TSBP1: variants seen among roughly 807,000 people sequenced by gnomAD.
The protein encoded by TSBP1 is testis-expressed basic protein 1.
A neutral mutation model predicts 68.8 loss-of-function variants in TSBP1; 56 were observed. That is an observed-to-expected ratio of 0.81 (90% CI 0.66 to 1.02). The LOEUF (loss-of-function observed/expected upper bound fraction) is 1.02, where lower values mean the gene tolerates loss of function less well. TSBP1 is among the 50% of genes least tolerant of loss of function. TSBP1 has a pLI of 0.00. For missense variants in TSBP1, 502 were observed against 641.2 expected (o/e 0.78, Z 2.34); for synonymous variants, 171 against 208.7 (o/e 0.82, Z 1.56).
intron 18 of TSBP1, 87 bp downstream of exon 20, chr6:32,322,399 T>C: frequency 1.1e-6 from 1 of 945,426 alleles, no homozygotes; most frequent in Non-Finnish European, 1.7e-6. Context: ...AGCAAATGAA[T>C]ATGAGAAATA....
Position 32,302,666 on chromosome 6 carries a change from A to AT in TSBP1, c.581-38dup. 2 of 1,512,374 alleles carry AT rather than the reference A, an allele frequency of 1.3e-6. No homozygotes were observed. The highest frequency in any genetic ancestry group is 8.9e-7 in the Non-Finnish European group (1 of 1,120,942). The allele number at this position is 1,512,374 out of a possible 1,614,324, so 93.7% of individuals were successfully genotyped here. On this transcript the variant is annotated intron_variant, in intron 19 of 22. Transcript: ENST00000612031. This position sits in a 1 kb window ranked among gnomAD's most constrained non-coding sequence, Gnocchi z 5.1. ...AACAAGAAAATAGGTTAATGGCAGC[A>AT]TTTTTGGAACAGAAGTACAGTTCTT...
intron 18 of TSBP1, among the ~76,000 whole-genome samples, chr6:32,317,541 G>T (rs1011762699): frequency 6.6e-6 from 1 of 152,128 alleles, no homozygotes; most frequent in Non-Finnish European, 1.5e-5. Context: ...ATGGGAGAAA[G>T]TTTTTGCAAA....
At chr6:32,362,463 A>T (rs2127653017) in intron 6 of TSBP1, among the ~76,000 whole-genome samples, 1 of 152,340 alleles carries the variant, frequency 6.6e-6, no homozygotes, top group Non-Finnish European at 1.5e-5. Flanking sequence ...AACTGTAAGA[A>T]ATAATAATAC....
chr6:32,315,715 G>A lies in TSBP1; in HGVS notation c.580+57C>T. The A allele has an allele frequency of 8.5e-7, 1 of 1,181,936 alleles. No individual in the cohort carries two copies. Among genetic ancestry groups the A allele is most frequent in the Admixed American group, 2.4e-5 (1 of 41,740 alleles). 73.2% of individuals were successfully genotyped at this position (1,181,936 alleles called of 1,614,324 possible). ...GTCTCAATCTTTTGGATACTTAGAAGTGGAAACATCTAACATAAATCTCCA... is the reference window on the plus strand; with the variant it reads ...GTCTCAATCTTTTGGATACTTAGAAATGGAAACATCTAACATAAATCTCCA... On this transcript the variant is annotated intron_variant, in intron 19 of 22. Coordinates refer to ENST00000612031, the Ensembl canonical transcript of TSBP1. This position sits in a 1 kb window ranked among gnomAD's most constrained non-coding sequence, Gnocchi z 5.4.
rs28366180 is a variant in TSBP1, at chr6:32,321,646, G to T, written c.559+1471C>A. 0.047 allele frequency among the ~76,000 whole-genome samples: 7,132 copies of T among 152,256 alleles called. 244 individuals carry two copies. Among genetic ancestry groups the T allele is most frequent in the Admixed American group, 0.07 (1,075 of 15,288 alleles). On this transcript the variant is annotated intron_variant, in intron 18 of 22. Coordinates refer to ENST00000612031, the Ensembl canonical transcript of TSBP1. This position sits in a 1 kb window ranked among gnomAD's most constrained non-coding sequence, Gnocchi z 4.3. ...AGAAAGATGTGTGGATGAGGACTTT[G>T]GAGAGACACTGGCTAATTCTGTGTT...
rs771765052 is a variant in TSBP1, at chr6:32,315,749, C to T, written c.580+23G>A. ...TCTAACATAAATCTCCACATATGAC[C>T]AGCTGAGAAATAAAGAACTTACTTG... On this transcript the variant is annotated intron_variant, in intron 19 of 22. Transcript: ENST00000612031. This position sits in a 1 kb window ranked among gnomAD's most constrained non-coding sequence, Gnocchi z 5.4. 1.4e-6 allele frequency: 2 copies of T among 1,474,428 alleles called. No individual in the cohort carries two copies. The highest frequency in any genetic ancestry group is 1.2e-5 in the South Asian group (1 of 80,170). 91.3% of individuals were successfully genotyped at this position (1,474,428 alleles called of 1,614,324 possible).
chr6:32,350,379 G>A (rs943660359), intron 8 of TSBP1, among the ~76,000 whole-genome samples: 19 of 152,266 alleles, frequency 1.2e-4, no homozygotes, highest in African/African-American at 4.6e-4. Flanking sequence ...CTATTGAGGG[G>A]AATATTTCAT....
chr6:32,365,810 T>A lies in TSBP1; in HGVS notation c.217+357A>T. 2.4e-6 allele frequency: 1 copy of A among 416,912 alleles called. No homozygotes were observed. Among genetic ancestry groups the A allele is most frequent in the South Asian group, 1.8e-5 (1 of 54,736 alleles). The allele number at this position is 416,912 out of a possible 1,614,324, so 25.8% of individuals were successfully genotyped here. ...TATAACCTGACAGCGTGCTGGAACT[T>A]CTCTGCTGGACTCCTGGACTCCCAC... On this transcript the variant is annotated intron_variant, in intron 6 of 22. Transcript: ENST00000612031. This position sits in a 1 kb window ranked among gnomAD's most constrained non-coding sequence, Gnocchi z 4.3.
intron 2 of TSBP1, among the ~76,000 whole-genome samples, chr6:32,369,683 T>C (rs563578636): frequency 3.4e-4 from 52 of 152,314 alleles, no homozygotes; most frequent in African/African-American, 1.2e-3. Context: ...ACTTTTTCTT[T>C]GACATTATTG....
intron 16 of TSBP1, chr6:32,324,695 AG>A: frequency 6.4e-7 from 1 of 1,550,672 alleles, no homozygotes; most frequent in Non-Finnish European, 8.7e-7. Context: ...AAACAAGCAA[AG>A]ATACTTTTTG....
Position 32,292,956 on chromosome 6 carries a change from T to C in TSBP1, c.*25A>G, listed in dbSNP as rs774033419. On this transcript the variant is annotated 3_prime_UTR_variant, in exon 23 of 23. Coordinates refer to ENST00000612031, the Ensembl canonical transcript of TSBP1. The surrounding 1 kb of genome is among the most constrained non-coding windows in gnomAD (Gnocchi z 4.1). ...ATGGGAATCATAATAATCACTTGTC[T>C]TATGGGCCTTTAAAAAATTTATCCT... 7.1e-7 allele frequency: 1 copy of C among 1,406,928 alleles called. No homozygotes were observed. The highest frequency in any genetic ancestry group is 2.3e-5 in the East Asian group (1 of 43,970). The allele number at this position is 1,406,928 out of a possible 1,614,324, so 87.2% of individuals were successfully genotyped here.
Position 32,333,168 on chromosome 6 carries a change from C to T in TSBP1, c.473-1114G>A, listed in dbSNP as rs1769256984. 1.3e-5 allele frequency among the ~76,000 whole-genome samples: 2 copies of T among 151,806 alleles called. No homozygotes were observed. Among genetic ancestry groups the T allele is most frequent in the Admixed American group, 1.3e-4 (2 of 15,252 alleles). On this transcript the variant is annotated intron_variant, in intron 14 of 22. Coordinates refer to ENST00000612031, the Ensembl canonical transcript of TSBP1. This position sits in a 1 kb window ranked among gnomAD's most constrained non-coding sequence, Gnocchi z 4.2. ...GGACTGCAGGCGCACGACACCACAC[C>T]CAGCTAATTTTTGTATTTTTTTAAG...
In TSBP1 at chr6:32,294,048, CA is replaced by C. The variant is rs1346957143; in HGVS notation, c.638-14del. 1.2e-6 allele frequency: 2 copies of C among 1,602,466 alleles called. No homozygotes were observed. Among genetic ancestry groups the C allele is most frequent in the Non-Finnish European group, 1.7e-6 (2 of 1,178,166 alleles). ...CCTGTTAATATAACTGAGCATACAA[CA>C]AAAGGGCGTGATTTAGATATCAAGT... On this transcript the variant is annotated splice_polypyrimidine_tract_variant and intron_variant, in intron 22 of 22. Transcript: ENST00000612031.
At chr6:32,348,884 T>C (rs1030556592) in intron 9 of TSBP1, among the ~76,000 whole-genome samples, 2 of 152,204 alleles carry the variant, frequency 1.3e-5, no homozygotes, top group African/African-American at 4.8e-5. Flanking sequence ...CCTAAGTTAA[T>C]GAATTTATTA....
chr6:32,358,940 T>C (rs1737175087), intron 6 of TSBP1, among the ~76,000 whole-genome samples: 2 of 132,782 alleles, frequency 1.5e-5, no homozygotes, highest in Non-Finnish European at 3.2e-5. Context: ...TATTATACTT[T>C]AAGTTTTAGG....
At chr6:32,322,998 A>G (rs369629467) in intron 18 of TSBP1, 119 bp downstream of exon 19, 22 of 704,564 alleles carry the variant, frequency 3.1e-5, no homozygotes, top group East Asian at 2.9e-4. Context: ...TAAAAAAATT[A>G]TAGGGCAAGC....
intron 10 of TSBP1, 44 bp from the exon 12 acceptor site, chr6:32,339,043 C>T: frequency 6.4e-7 from 1 of 1,557,246 alleles, no homozygotes; most frequent in Non-Finnish European, 8.9e-7. Flanking sequence ...GAGCATGACT[C>T]AAGGGTGTTT....
At chr6:32,345,800 C>T (rs1770945369) in intron 9 of TSBP1, among the ~76,000 whole-genome samples, 1 of 152,104 alleles carries the variant, frequency 6.6e-6, no homozygotes, top group South Asian at 2.1e-4. Context: ...TTGAGAGGCC[C>T]TTTCTCGAGT....
At chr6:32,293,596 A>C (rs1486872871) in exon 23 of TSBP1, 3 of 1,612,688 alleles carry the variant, frequency 1.9e-6, no homozygotes, top group South Asian at 2.2e-5. Flanking sequence ...CTTTCAGTAC[A>C]ACCAACCCAC....
Sources: gnomAD v4.1 joint callset for allele counts (sites outside exome capture counted in the v4.1 genomes callset) on GRCh38, gnomAD v4.1.1 for gene constraint, Gnocchi (gnomAD v3.1) non-coding constraint, MANE v1.5 for transcripts, NCBI Gene and HGNC (gene_info 2026-07-23, HGNC 2026-07-21) for gene names.